The following SMCHD1 variants were observed in gnomAD, a reference collection of about 807,000 sequenced individuals.
SMCHD1 encodes the protein structural maintenance of chromosomes flexible hinge domain containing 1, also known as structural maintenance of chromosomes flexible hinge domain-containing protein 1.
Under a neutral mutation model 254.7 loss-of-function variants are expected in SMCHD1, and 78 were observed. The observed-to-expected ratio is 0.31, with a 90% CI of 0.26 to 0.37. The LOEUF (loss-of-function observed/expected upper bound fraction) is 0.37. Ranked by LOEUF, SMCHD1 falls within the 10% of genes least tolerant of loss-of-function variation. The pLI is 1.00. For synonymous variants in SMCHD1, 766 were observed against 794.9 expected (o/e 0.96, Z 0.61); for missense variants, 1,840 against 2,408.1 (o/e 0.76, Z 4.94).
intron 5 of SMCHD1, among the ~76,000 whole-genome samples, chr18:2,681,153 G>A (rs1055263756): frequency 4.0e-5 from 6 of 151,572 alleles, no homozygotes; most frequent in South Asian, 4.2e-4. Flanking sequence ...TGGCTCACGC[G>A]TGTAATCCCA....
chr18:2,730,010 A>C (rs2075106138), intron 24 of SMCHD1, among the ~76,000 whole-genome samples: 1 of 152,126 alleles, frequency 6.6e-6, no homozygotes, highest in South Asian at 2.1e-4. Flanking sequence ...CACTGTGCCC[A>C]GCCATTTTGC....
rs2076209626 is a variant in SMCHD1, at chr18:2,784,595, A to G, written c.5693A>G (p.Gln1898Arg). 6.2e-7 allele frequency: 1 copy of G among 1,605,052 alleles called. No individual in the cohort carries two copies. Among genetic ancestry groups the G allele is most frequent in the South Asian group, 1.1e-5 (1 of 89,072 alleles). The change falls in exon 45 of 48, where the codon CAG (glutamine) becomes CGG (arginine). Residue 1898 changes from glutamine (Q) to arginine (R), a missense_variant. By Grantham distance (43) the Gln-to-Arg change is conservative. Coordinates refer to ENST00000320876, the MANE Select transcript of SMCHD1 (RefSeq NM_015295.3). ...GMVFGAPVPK[Q>R]CLILGEQIDL... ...GTATTTGGAGCTCCAGTTCCAAAACAGTGTCTGATCTTAGGGGAACAAATA... is the reference window on the plus strand; with the variant it reads ...GTATTTGGAGCTCCAGTTCCAAAACGGTGTCTGATCTTAGGGGAACAAATA...
At chr18:2,748,050 C>G (rs72864675) in intron 30 of SMCHD1, among the ~76,000 whole-genome samples, 1 of 152,104 alleles carries the variant, frequency 6.6e-6, no homozygotes, top group East Asian at 1.9e-4. Context: ...AAAAGTCTTG[C>G]AGGTACCTAT....
chr18:2,795,843 C>T, intron 45 of SMCHD1, 106 bp from the exon 46 acceptor site: 1 of 838,788 alleles, frequency 1.2e-6, no homozygotes, highest in South Asian at 2.0e-5. Flanking sequence ...AAGTAGATCC[C>T]CTATGTTACC....
chr18:2,726,357 A>C, intron 21 of SMCHD1, 95 bp from the exon 22 acceptor site: 1 of 639,422 alleles, frequency 1.6e-6, no homozygotes, highest in Non-Finnish European at 2.6e-6. Flanking sequence ...CAATGGTATG[A>C]AAATAAAACC....
At chr18:2,708,123 A>T (rs1374071390) in intron 17 of SMCHD1, among the ~76,000 whole-genome samples, 2 of 152,132 alleles carry the variant, frequency 1.3e-5, no homozygotes, top group Non-Finnish European at 2.9e-5. Flanking sequence ...CTTCATCTTG[A>T]ATTTTTTCAT....
At chr18:2,700,063 C>G (rs1216103566) in intron 10 of SMCHD1, among the ~76,000 whole-genome samples, 1 of 152,200 alleles carries the variant, frequency 6.6e-6, no homozygotes, top group East Asian at 1.9e-4. Context: ...AAAATAATTT[C>G]TAAAAAGTAA....
At position 2,760,689 on chromosome 18, in the gene SMCHD1, A is replaced by G. The variant is rs752316579; in HGVS notation, c.4384A>G (p.Ile1462Val). ...VIPNKVGTYC[I>V]QFGFMMDKTN... The stretch of plus-strand genomic sequence containing the variant: ...TCCTAATAAAGTGGGGACATATTGT[A>G]TCCAGTTTGGTTTTATGATGGATAA... Residue 1462 changes from isoleucine (I) to valine (V), a missense_variant, in exon 35 of 48, where the codon ATC becomes GTC. Around this residue, in one of 9 missense-constraint regions of SMCHD1, gnomAD observed 881 missense variants for 1,009.5 expected, o/e 0.87. Coordinates refer to ENST00000320876, the MANE Select transcript of SMCHD1 (RefSeq NM_015295.3). 2.5e-6 allele frequency: 4 copies of G among 1,602,984 alleles called. No homozygotes were observed. Among genetic ancestry groups the G allele is most frequent in the Non-Finnish European group, 2.6e-6 (3 of 1,170,456 alleles).
At chr18:2,703,161 G>A (rs948526868) in intron 12 of SMCHD1, among the ~76,000 whole-genome samples, 5 of 151,990 alleles carry the variant, frequency 3.3e-5, no homozygotes, top group Admixed American at 6.6e-5. Flanking sequence ...ACCTTTTTTC[G>A]TTATCACCCT....
At chr18:2,657,873 C>A (rs980531208) in intron 1 of SMCHD1, among the ~76,000 whole-genome samples, 1 of 151,850 alleles carries the variant, frequency 6.6e-6, no homozygotes. Context: ...CCCAAATATT[C>A]CCGGGCTCAG....
At chr18:2,704,878 A>G (rs1056925293) in intron 13 of SMCHD1, among the ~76,000 whole-genome samples, 3 of 152,060 alleles carry the variant, frequency 2.0e-5, no homozygotes, top group Admixed American at 1.3e-4. Context: ...CTTTCCCAAC[A>G]TTTAGTGGTT....
chr18:2,656,250 T>G lies in SMCHD1; in HGVS notation c.175T>G (p.Cys59Gly). Reference protein sequence around the residue: ...ERSDYAGFRACVCQTLGISPE... With the variant: ...ERSDYAGFRAGVCQTLGISPE... ...CTCGGACTACGCGGGATTTCGCGCG[T>G]GTGTGTGTCAGGTACGCGAAGGGGC... The change falls in exon 1 of 48, where the codon TGT (cysteine) becomes GGT (glycine). Residue 59 changes from cysteine to glycine, a missense_variant. By Grantham distance (159) the Cys-to-Gly change is radical. This residue lies in a region of SMCHD1 where 115 missense variants were observed against 99.1 expected (regional missense o/e 1.16). Transcript: ENST00000320876. 6.7e-7 allele frequency: 1 copy of G among 1,494,516 alleles called. No homozygotes were observed. Among genetic ancestry groups the G allele is most frequent in the Non-Finnish European group, 8.8e-7 (1 of 1,132,030 alleles). 92.6% of individuals were successfully genotyped at this position (1,494,516 alleles called of 1,614,324 possible).
At chr18:2,748,311 G>A (rs1598400183) in intron 30 of SMCHD1, among the ~76,000 whole-genome samples, 7 of 150,180 alleles carry the variant, frequency 4.7e-5, no homozygotes, top group Admixed American at 4.6e-4. Context: ...CCTTCTAGGG[G>A]AAAGAGGAAA....
At position 2,803,198 on chromosome 18, in the gene SMCHD1, G is replaced by GTATATATATATATATATATATAAATA. The variant is rs1555660641; in HGVS notation, c.*666_*667insTAAATATATATATATATATATATATA. The GTATATATATATATATATATATAAATA allele has an allele frequency of 1.5e-5, 2 of 136,518 alleles. No individual in the cohort carries two copies. The highest frequency in any genetic ancestry group is 7.5e-5 in the Admixed American group (1 of 13,414). The allele number at this position is 136,518 out of a possible 1,614,324, so 8.5% of individuals were successfully genotyped here. A position where few individuals can be genotyped will look rare whatever the true frequency, so the allele number is the denominator to read the frequency against. On this transcript the variant is annotated 3_prime_UTR_variant, in exon 48 of 48. Coordinates refer to ENST00000320876, the MANE Select transcript of SMCHD1 (RefSeq NM_015295.3). ...ACTTATCCTGTGTGTGTGTGTGTGT[G>GTATATATATATATATATATATAAATA]TATATATATATATATATATAAATAT...
chr18:2,790,281 C>T (rs776727643), intron 45 of SMCHD1, among the ~76,000 whole-genome samples: 1 of 152,168 alleles, frequency 6.6e-6, no homozygotes. Flanking sequence ...TCTACAAATT[C>T]AATTACCCGA....
At chr18:2,773,700 T>C (rs2076020555) in intron 41 of SMCHD1, among the ~76,000 whole-genome samples, 1 of 152,192 alleles carries the variant, frequency 6.6e-6, no homozygotes, top group Non-Finnish European at 1.5e-5. Context: ...GACAGGCGCA[T>C]TACCTGAGGT....
At position 2,747,713 on chromosome 18, in the gene SMCHD1, TA is replaced by T. The variant is rs1395758317; in HGVS notation, c.3927+67del. On this transcript the variant is annotated intron_variant, in intron 30 of 47. Transcript: ENST00000320876. ...GATTTCATTTTCATGATAGTATCTT[TA>T]GCTGTCATATTGCTTCTTTTCTAAA... 1.2e-5 allele frequency: 15 copies of T among 1,232,580 alleles called. 1 individual carries two copies. Among genetic ancestry groups the T allele is most frequent in the Non-Finnish European group, 1.7e-5 (15 of 898,864 alleles). 76.4% of individuals were successfully genotyped at this position (1,232,580 alleles called of 1,614,324 possible).
At chr18:2,787,863 A>G (rs1397689502) in intron 45 of SMCHD1, among the ~76,000 whole-genome samples, 2 of 152,250 alleles carry the variant, frequency 1.3e-5, no homozygotes, top group African/African-American at 2.4e-5. Context: ...ACAGGAATCT[A>G]TTGGAAGGAA....
At chr18:2,667,834 A>AT (rs2073481223) in intron 3 of SMCHD1, among the ~76,000 whole-genome samples, 1 of 152,030 alleles carries the variant, frequency 6.6e-6, no homozygotes, top group East Asian at 1.9e-4. Context: ...GTCTCTGTAT[A>AT]TTTTGATAAT....
Sources: gnomAD v4.1 joint callset for allele counts (sites outside exome capture counted in the v4.1 genomes callset) on GRCh38, gnomAD v4.1.1 for gene constraint, gnomAD v4.1.1 regional missense constraint, MANE v1.5 for transcripts, NCBI Gene and HGNC (gene_info 2026-07-23, HGNC 2026-07-21) for gene names.